NUDT19: variants seen among roughly 807,000 people sequenced by gnomAD.
NUDT19 encodes acyl-coenzyme A diphosphatase NUDT19.
A neutral mutation model predicts 22.2 loss-of-function variants in NUDT19; 31 were observed. The ratio of observed to expected loss-of-function variants is 1.40; its 90% CI spans 1.05 to 1.89. The LOEUF (loss-of-function observed/expected upper bound fraction) is 1.89. Among genes scored for constraint, NUDT19 ranks in the 40% most tolerant of loss-of-function variants. The pLI is 0.00. For missense variants in NUDT19, 752 were observed against 514.2 expected (o/e 1.46, Z -4.47); for synonymous variants, 325 against 230.8 (o/e 1.41, Z -3.70).
intron 1 of NUDT19, among the ~76,000 whole-genome samples, chr19:32,707,010 T>TAC (rs1968393669): frequency 6.6e-6 from 1 of 152,212 alleles, no homozygotes; most frequent in Non-Finnish European, 1.5e-5. Flanking sequence ...CTGGCCATGG[T>TAC]AGGACTCACC....
At chr19:32,692,872 T>C (rs1599794970) in intron 1 of NUDT19, among the ~76,000 whole-genome samples, 198 bp downstream of exon 1, 1 of 152,190 alleles carries the variant, frequency 6.6e-6, no homozygotes, top group South Asian at 2.1e-4. Flanking sequence ...TCTGCTTTCC[T>C]AGGCTTTGGG....
At chr19:32,710,509 T>C (rs1289000872) in intron 2 of NUDT19, among the ~76,000 whole-genome samples, 5 of 150,212 alleles carry the variant, frequency 3.3e-5, no homozygotes, top group African/African-American at 1.2e-4. Context: ...GGAGAATCAC[T>C]TGAACCCAGG....
intron 1 of NUDT19, among the ~76,000 whole-genome samples, chr19:32,702,063 C>T (rs1297097491): frequency 6.6e-6 from 1 of 152,174 alleles, no homozygotes; most frequent in African/African-American, 2.4e-5. Context: ...GAATAACGTG[C>T]ACTGATACAG....
intron 1 of NUDT19, among the ~76,000 whole-genome samples, chr19:32,702,665 CA>C (rs1968348180): frequency 6.6e-6 from 1 of 152,114 alleles, no homozygotes; most frequent in South Asian, 2.1e-4. Flanking sequence ...GCTTTTTATC[CA>C]ATATAAAAAC....
At chr19:32,703,535 G>A (rs1359706926) in intron 1 of NUDT19, among the ~76,000 whole-genome samples, 1 of 150,036 alleles carries the variant, frequency 6.7e-6, no homozygotes, top group Non-Finnish European at 1.5e-5. Flanking sequence ...TTTCAGTAGA[G>A]ATGGGGTTTC....
chr19:32,706,654 G>C (rs1968390277), intron 1 of NUDT19, among the ~76,000 whole-genome samples: 1 of 152,118 alleles, frequency 6.6e-6, no homozygotes, highest in Non-Finnish European at 1.5e-5. Flanking sequence ...TTGCACTCCA[G>C]CCTGGGTAAC....
intron 1 of NUDT19, among the ~76,000 whole-genome samples, chr19:32,704,650 C>G (rs940178731): frequency 1.3e-5 from 2 of 152,174 alleles, no homozygotes; most frequent in African/African-American, 4.8e-5. Context: ...TTTCTGCTAA[C>G]TTAATCCTTG....
chr19:32,694,188 A>G lies in NUDT19; in HGVS notation c.714+1514A>G, dbSNP rs370450390. On this transcript the variant is annotated intron_variant, in intron 1 of 2. Coordinates refer to ENST00000397061, the MANE Select transcript of NUDT19 (RefSeq NM_001105570.2). ...TGTCACAGGATGTAGAAAGGGGAGA[A>G]GCCATGTTGCCCAACTCCAGAGGTT... Among the ~76,000 whole-genome samples, 5 of 152,370 alleles carry G rather than the reference A, an allele frequency of 3.3e-5. No homozygotes were observed. The East Asian group carries it at 7.7e-4, about 23-fold the overall frequency.
At chr19:32,707,334 G>A (rs927115974) in intron 1 of NUDT19, among the ~76,000 whole-genome samples, 1 of 152,118 alleles carries the variant, frequency 6.6e-6, no homozygotes, top group Non-Finnish European at 1.5e-5. Context: ...AGAATGATTA[G>A]GGGACTCACT....
chr19:32,696,136 T>TG (rs1968261260), intron 1 of NUDT19, among the ~76,000 whole-genome samples: 2 of 152,206 alleles, frequency 1.3e-5, no homozygotes, highest in Non-Finnish European at 2.9e-5. Flanking sequence ...GGGAGAAAAG[T>TG]GGCAGGGCTG....
At chr19:32,711,716 T>C (rs1968449085) in intron 2 of NUDT19, 36 bp from the exon 3 acceptor site, 1 of 1,226,494 alleles carries the variant, frequency 8.2e-7, no homozygotes, top group Non-Finnish European at 1.2e-6. Flanking sequence ...AATAATTTTG[T>C]ATTTAAAAAT....
rs747773616 is a variant in NUDT19 at position 32,692,655 on chromosome 19, CG to C, written c.697del (p.Glu233ArgfsTer32). The C allele has an allele frequency of 9.2e-6, 14 of 1,514,280 alleles. No individual in the cohort carries two copies. Among genetic ancestry groups the C allele is most frequent in the Non-Finnish European group, 1.1e-5 (12 of 1,137,252 alleles). 93.8% of individuals were successfully genotyped at this position (1,514,280 alleles called of 1,614,324 possible). On this transcript the variant is annotated frameshift_variant, in exon 1 of 3. Coordinates refer to ENST00000397061, the MANE Select transcript of NUDT19 (RefSeq NM_001105570.2). LOFTEE classifies it high-confidence loss of function. ...CCGCCGCCCGTCTACCCCGACTTGG[CG>C]GAGGTGGTGGGCTACCAGGTAAGGC... is the stretch of plus-strand genomic sequence containing the variant. ...REPPPVYPDL[A>X]EVVGYQWSSP...
rs1402253866 is a variant in NUDT19, at chr19:32,713,069, T to G, written c.*1112T>G. ...CTTGCTATGTCTTTAGCTTAATGATTAAGATACAATTCTTTTTAAAATCAA... is the reference window on the plus strand; with the variant it reads ...CTTGCTATGTCTTTAGCTTAATGATGAAGATACAATTCTTTTTAAAATCAA... On this transcript the variant is annotated 3_prime_UTR_variant, in exon 3 of 3. Transcript: ENST00000397061. 6.6e-6 allele frequency: 1 copy of G among 152,216 alleles called. No homozygotes were observed. The highest frequency in any genetic ancestry group is 1.5e-5 in the Non-Finnish European group (1 of 68,036). 9.4% of individuals were successfully genotyped at this position (152,216 alleles called of 1,614,324 possible). A position where few individuals can be genotyped will look rare whatever the true frequency, so the allele number is the denominator to read the frequency against.
At chr19:32,709,779 A>G (rs1968426455) in intron 2 of NUDT19, among the ~76,000 whole-genome samples, 1 of 151,236 alleles carries the variant, frequency 6.6e-6, no homozygotes, top group Admixed American at 6.6e-5. Context: ...CCTCCCAAGA[A>G]GCTGGGATTA....
Position 32,692,008 on chromosome 19 carries a change from C to T in NUDT19, c.48C>T (p.Ala16=). ...GCCCCAGCCGCTGGCGGCGGGCGGC[C>T]AGCATCGTCCTGGCGGCTGGCTGGT... is the stretch of plus-strand genomic sequence containing the variant. ...RPGPSRWRRA[A]SIVLAAGWSR... Residue 16 remains alanine, a synonymous_variant, in exon 1 of 3, where the codon GCC becomes GCT. Coordinates refer to ENST00000397061, the MANE Select transcript of NUDT19 (RefSeq NM_001105570.2). 8.0e-7 allele frequency: 1 copy of T among 1,244,416 alleles called. No individual in the cohort carries two copies. The highest frequency in any genetic ancestry group is 1.0e-6 in the Non-Finnish European group (1 of 997,648). The allele number at this position is 1,244,416 out of a possible 1,614,324, so 77.1% of individuals were successfully genotyped here.
chr19:32,696,522 G>T (rs548397706), intron 1 of NUDT19, among the ~76,000 whole-genome samples: 140 of 152,262 alleles, frequency 9.2e-4, no homozygotes, highest in African/African-American at 3.1e-3. Context: ...GCTTGAGTTT[G>T]TTCCTTCCAA....
At chr19:32,707,096 T>C (rs1430195698) in intron 1 of NUDT19, among the ~76,000 whole-genome samples, 1 of 152,232 alleles carries the variant, frequency 6.6e-6, no homozygotes, top group African/African-American at 2.4e-5. Context: ...TTGCATTTTG[T>C]ACAATGCTTT....
chr19:32,694,203 C>T (rs890557799), intron 1 of NUDT19, among the ~76,000 whole-genome samples: 2 of 152,246 alleles, frequency 1.3e-5, no homozygotes, highest in Admixed American at 6.5e-5. Flanking sequence ...TGTTGCCCAA[C>T]TCCAGAGGTT....
chr19:32,709,817 T>A (rs1236039777), intron 2 of NUDT19, among the ~76,000 whole-genome samples: 1 of 132,680 alleles, frequency 7.5e-6, no homozygotes, highest in African/African-American at 3.0e-5. Context: ...GCCCGGCTAA[T>A]CTTTGTATTT....
Sources: gnomAD v4.1 joint callset for allele counts (sites outside exome capture counted in the v4.1 genomes callset) on GRCh38, gnomAD v4.1.1 for gene constraint, MANE v1.5 for transcripts, NCBI Gene and HGNC (gene_info 2026-07-23, HGNC 2026-07-21) for gene names.